Variants in PCDH11X observed in about 807,000 individuals in gnomAD.
PCDH11X encodes protocadherin 11 X-linked.
PCDH11X carries 18 observed loss-of-function variants against 53.3 expected under a neutral mutation model. The observed-to-expected ratio is 0.34, with a 90% confidence interval of 0.23 to 0.50. The LOEUF (loss-of-function observed/expected upper bound fraction) is 0.50, where lower values mean the gene tolerates loss of function less well. Among genes scored for constraint, PCDH11X ranks in the 20% least tolerant of loss-of-function variants. The pLI is 0.98. For synonymous variants in PCDH11X, 279 were observed against 393.3 expected, an observed-to-expected ratio of 0.71 and a Z score of 3.44; for missense variants, 570 against 1,032.4, an observed-to-expected ratio of 0.55 and a Z score of 6.14.
intron 6 of PCDH11X, among the ~76,000 whole-genome samples, chrX:92,139,210 A>G (rs1396847838): frequency 9.4e-5 from 10 of 106,787 alleles, no homozygotes; most frequent in African/African-American, 2.7e-4. Context: ...GAATGTTTTG[A>G]AAAAAAAAGT....
In PCDH11X at chrX:92,311,982, G is replaced by C. The variant is rs3901558; in HGVS notation, c.3144+48839G>C. Among the ~76,000 whole-genome samples the C allele has an allele frequency of 8.7e-3, 969 of 111,297 alleles. 28 individuals carry two copies. Among genetic ancestry groups the C allele is most frequent in the Admixed American group, 0.065 (675 of 10,386 alleles). On this transcript the variant is annotated intron_variant, in intron 8 of 10. Transcript: ENST00000682573. ...AAGAAACATTAGTTACTATTTTTGA[G>C]AGAATAGGGTAAGAAAAAGATGATC...
chrX:92,537,543 A>G (rs2074682118), intron 10 of PCDH11X, among the ~76,000 whole-genome samples: 2 of 109,036 alleles, frequency 1.8e-5, no homozygotes, highest in Non-Finnish European at 3.8e-5. Context: ...TAATATTTAG[A>G]TTAGCCAAAG....
intron 8 of PCDH11X, among the ~76,000 whole-genome samples, chrX:92,346,812 A>G (rs945237355): frequency 1.8e-5 from 2 of 111,789 alleles, no homozygotes; most frequent in Non-Finnish European, 3.8e-5. Flanking sequence ...ATTCACTGCT[A>G]TGTCATGGTC....
At chrX:91,951,202 T>C (rs2147872156) in intron 6 of PCDH11X, among the ~76,000 whole-genome samples, 1 of 110,530 alleles carries the variant, frequency 9.0e-6, no homozygotes, top group Admixed American at 9.7e-5. Context: ...TAAAAGCCAT[T>C]TGAAAGTCAA....
chrX:92,366,301 T>C (rs1370398948), intron 8 of PCDH11X, among the ~76,000 whole-genome samples: 2 of 111,054 alleles, frequency 1.8e-5, no homozygotes, highest in Admixed American at 9.6e-5. Flanking sequence ...TCTCTGATGG[T>C]AGTTTGTATT....
chrX:92,127,761 T>A (rs2064895925), intron 6 of PCDH11X, among the ~76,000 whole-genome samples: 1 of 110,735 alleles, frequency 9.0e-6, no homozygotes, highest in Non-Finnish European at 1.9e-5. Flanking sequence ...GACCTCATGA[T>A]CTGCCCACCT....
At chrX:91,797,317 A>G (rs1286252583) in intron 1 of PCDH11X, among the ~76,000 whole-genome samples, 2 of 107,004 alleles carry the variant, frequency 1.9e-5, no homozygotes, top group Non-Finnish European at 3.9e-5. Flanking sequence ...TAGATTATAT[A>G]ATGAGTTTAA....
intron 6 of PCDH11X, among the ~76,000 whole-genome samples, chrX:92,046,455 G>A (rs2063289743): frequency 9.0e-6 from 1 of 111,527 alleles, no homozygotes. Context: ...AGGATTTAAA[G>A]ACCTTCCAAA....
intron 1 of PCDH11X, among the ~76,000 whole-genome samples, chrX:91,790,462 A>T (rs1330494474): frequency 8.9e-6 from 1 of 112,505 alleles, no homozygotes; most frequent in Non-Finnish European, 1.9e-5. Context: ...TCAGCTAATC[A>T]TTCAGATTTT....
At chrX:92,210,899 A>G (rs766044172) in intron 7 of PCDH11X, among the ~76,000 whole-genome samples, 1 of 111,711 alleles carries the variant, frequency 9.0e-6, no homozygotes, top group Non-Finnish European at 1.9e-5. Flanking sequence ...CATTGTTCAT[A>G]TAACTATCCA....
intron 8 of PCDH11X, among the ~76,000 whole-genome samples, chrX:92,295,887 CT>C (rs2068597591): frequency 9.2e-6 from 1 of 108,902 alleles, no homozygotes; most frequent in South Asian, 4.0e-4. Context: ...CGAGACCAGT[CT>C]GGCTAACATG....
At chrX:92,370,928 T>C (rs760168130) in intron 8 of PCDH11X, among the ~76,000 whole-genome samples, 17 of 112,307 alleles carry the variant, frequency 1.5e-4, no homozygotes, top group African/African-American at 4.5e-4. Flanking sequence ...ATTATATATT[T>C]TTGGTGAATA....
At chrX:92,068,157 T>C (rs914114654) in intron 6 of PCDH11X, among the ~76,000 whole-genome samples, 8 of 109,319 alleles carry the variant, frequency 7.3e-5, no homozygotes, top group Admixed American at 6.9e-4. Flanking sequence ...TTCATTTAAT[T>C]GTTCTGATCT....
At chrX:92,218,877 C>A (rs1441592696) in intron 7 of PCDH11X, among the ~76,000 whole-genome samples, 1 of 111,526 alleles carries the variant, frequency 9.0e-6, no homozygotes, top group Non-Finnish European at 1.9e-5. Flanking sequence ...CCCTGGGATG[C>A]AAGGCTGGTT....
chrX:92,534,672 C>A (rs1294873253), intron 10 of PCDH11X, among the ~76,000 whole-genome samples: 1 of 111,249 alleles, frequency 9.0e-6, no homozygotes, highest in African/African-American at 3.3e-5. Context: ...AGGTTACCCA[C>A]AAAGGGAAGC....
chrX:92,353,135 C>T lies in PCDH11X; in HGVS notation c.3145-34600C>T, dbSNP rs776546537. Among the ~76,000 whole-genome samples the T allele has an allele frequency of 4.4e-3, 494 of 111,504 alleles. 2 individuals are homozygous for T. The highest frequency in any genetic ancestry group is 0.014 in the African/African-American group (436 of 30,675). On this transcript the variant is annotated intron_variant, in intron 8 of 10. Transcript: ENST00000682573. ...TATCTTGTCTTGTTATGCTCTCGTA[C>T]TTCAAAACACATTTATTTCACCCAC...
intron 6 of PCDH11X, among the ~76,000 whole-genome samples, chrX:91,940,827 C>G (rs1336993402): frequency 9.2e-6 from 1 of 108,574 alleles, no homozygotes; most frequent in Non-Finnish European, 1.9e-5. Context: ...GCCACTGCGC[C>G]TGGTCAGAAG....
intron 8 of PCDH11X, among the ~76,000 whole-genome samples, chrX:92,306,563 TGAAA>T (rs1235332278): frequency 9.4e-6 from 1 of 106,117 alleles, no homozygotes; most frequent in Non-Finnish European, 1.9e-5. Context: ...ATATCAAGAA[TGAAA>T]GAGAGAGATA....
chrX:92,284,275 C>T (rs1194869637), intron 8 of PCDH11X, among the ~76,000 whole-genome samples: 3 of 109,562 alleles, frequency 2.7e-5, no homozygotes. Flanking sequence ...TTTATTCCTG[C>T]TAGTTCTAAA....
Sources: allele counts gnomAD v4.1 joint callset (sites outside exome capture counted in the v4.1 genomes callset), GRCh38; gene constraint gnomAD v4.1.1; transcripts MANE v1.5; gene names NCBI Gene and HGNC (gene_info 2026-07-23, HGNC 2026-07-21).